Variants in SLIT2 observed in about 807,000 individuals in gnomAD.
The protein encoded by SLIT2 is slit homolog 2 protein.
SLIT2 carries 41 observed loss-of-function variants against 185.7 expected under a neutral mutation model. The ratio of observed to expected loss-of-function variants is 0.22; its 90% CI spans 0.17 to 0.29. SLIT2 has a LOEUF of 0.29. Ranked by LOEUF, SLIT2 falls within the 10% of genes least tolerant of loss-of-function variation. The pLI is 1.00. For synonymous variants in SLIT2, 693 were observed against 680.2 expected (o/e 1.02, Z -0.29); for missense variants, 1,571 against 1,909.0 (o/e 0.82, Z 3.30).
intron 4 of SLIT2, chr4:20,393,509 C>T (rs1258585444): frequency 2.0e-5 from 3 of 152,018 alleles, no homozygotes; most frequent in Admixed American, 6.6e-5. Context: ...TCTTTAATAT[C>T]TTTAAAACCT....
In SLIT2 at chr4:20,254,116, G is replaced by A. The variant is rs1289905365; in HGVS notation, c.179+122G>A. The A allele has an allele frequency of 4.0e-6, 4 of 994,468 alleles. No individual in the cohort carries two copies. Among genetic ancestry groups the A allele is most frequent in the Non-Finnish European group, 4.5e-6 (3 of 671,028 alleles). 61.6% of individuals were successfully genotyped at this position (994,468 alleles called of 1,614,324 possible). A position where few individuals can be genotyped will look rare whatever the true frequency, so the allele number is the denominator to read the frequency against. The stretch of plus-strand genomic sequence containing the variant: ...GCAGCCCTCGCTAGCTCTCCCCCAT[G>A]CACATCCTGGGGTTGAGCTCTCCGG... On this transcript the variant is annotated intron_variant, in intron 1 of 36. Coordinates refer to ENST00000504154, the MANE Select transcript of SLIT2 (RefSeq NM_004787.4). The surrounding 1 kb of genome is among the most constrained non-coding windows in gnomAD (Gnocchi z 5.1).
intron 4 of SLIT2, among the ~76,000 whole-genome samples, chr4:20,321,772 TTC>T (rs1719110754): frequency 6.6e-6 from 1 of 152,194 alleles, no homozygotes. Flanking sequence ...TCATTTTGCA[TTC>T]TCTCTCCCTA....
chr4:20,604,572 T>C (rs1364205618), intron 33 of SLIT2, among the ~76,000 whole-genome samples: 2 of 152,060 alleles, frequency 1.3e-5, no homozygotes. Flanking sequence ...TGGTCTCCAT[T>C]TCCTGACCTT....
At chr4:20,472,564 C>CGATATATCGATATATATCGA (rs60691515) in intron 5 of SLIT2, among the ~76,000 whole-genome samples, 1 of 4,660 alleles carries the variant, frequency 2.1e-4, no homozygotes, top group Non-Finnish European at 3.1e-4. Context: ...AGATATATAT[C>CGATATATCGATATATATCGA]TATATATAGA....
chr4:20,548,674 A>G (rs983459775), intron 23 of SLIT2, 115 bp downstream of exon 23: 13 of 686,992 alleles, frequency 1.9e-5, no homozygotes, highest in African/African-American at 3.6e-5. Flanking sequence ...GAATGTTTCT[A>G]TTGGGAGAAA....
chr4:20,509,652 G>C (rs596267), intron 9 of SLIT2, among the ~76,000 whole-genome samples: 111,600 of 151,492 alleles, frequency 0.74, 41,321 homozygotes, highest in East Asian at 0.95. Context: ...AACGATGTTT[G>C]TTTGGAGTGA....
intron 4 of SLIT2, among the ~76,000 whole-genome samples, chr4:20,322,465 A>G (rs1014124620): frequency 6.6e-6 from 1 of 151,694 alleles, no homozygotes; most frequent in Non-Finnish European, 1.5e-5. Context: ...CCCCAAATTT[A>G]TTTTCCTTTC....
chr4:20,333,762 A>G (rs1720261245), intron 4 of SLIT2, among the ~76,000 whole-genome samples: 2 of 152,180 alleles, frequency 1.3e-5, no homozygotes. Context: ...TTGAAAAATA[A>G]CACAGGTCAA....
chr4:20,582,299 C>G (rs532191702), intron 29 of SLIT2, among the ~76,000 whole-genome samples: 17 of 152,324 alleles, frequency 1.1e-4, no homozygotes, highest in African/African-American at 4.1e-4. Flanking sequence ...AGTCTCACCT[C>G]TTCAGAAGAA....
At chr4:20,529,930 T>TGGG (rs1721635820) in intron 16 of SLIT2, among the ~76,000 whole-genome samples, 2 of 152,170 alleles carry the variant, frequency 1.3e-5, no homozygotes, top group Non-Finnish European at 2.9e-5. Flanking sequence ...CTTCCATCTT[T>TGGG]AACTAGATTA....
At chr4:20,599,741 T>C (rs1455134846) in intron 33 of SLIT2, among the ~76,000 whole-genome samples, 1 of 152,194 alleles carries the variant, frequency 6.6e-6, no homozygotes, top group Non-Finnish European at 1.5e-5. Context: ...TTTTTAATAC[T>C]ATATATAATG....
At chr4:20,513,192 A>T (rs1293251882) in intron 11 of SLIT2, among the ~76,000 whole-genome samples, 2 of 152,202 alleles carry the variant, frequency 1.3e-5, no homozygotes, top group Non-Finnish European at 2.9e-5. Context: ...ACTTGCAGAT[A>T]AAGTAAACTG....
At chr4:20,472,567 T>TATATAG (rs1322481123) in intron 5 of SLIT2, among the ~76,000 whole-genome samples, 1 of 22,726 alleles carries the variant, frequency 4.4e-5, no homozygotes, top group Non-Finnish European at 6.4e-5. Context: ...TATATATCTA[T>TATATAG]ATATAGATAT....
intron 7 of SLIT2, among the ~76,000 whole-genome samples, chr4:20,488,159 G>A (rs1033195171): frequency 2.0e-5 from 3 of 151,782 alleles, no homozygotes; most frequent in South Asian, 2.1e-4. Context: ...AACATAGAGC[G>A]ACTCACTTAA....
At chr4:20,363,695 T>C (rs1053376553) in intron 4 of SLIT2, among the ~76,000 whole-genome samples, 13 of 152,118 alleles carry the variant, frequency 8.5e-5, no homozygotes, top group African/African-American at 3.1e-4. Context: ...CCTATGCAGA[T>C]TTAAAAGCTT....
At chr4:20,543,643 T>C (rs1723007592) in intron 21 of SLIT2, among the ~76,000 whole-genome samples, 1 of 152,106 alleles carries the variant, frequency 6.6e-6, no homozygotes, top group Non-Finnish European at 1.5e-5. Flanking sequence ...GGTAATGAGG[T>C]TCAAGGGCAT....
At chr4:20,452,120 G>A (rs1712538942) in intron 4 of SLIT2, among the ~76,000 whole-genome samples, 1 of 152,164 alleles carries the variant, frequency 6.6e-6, no homozygotes, top group African/African-American at 2.4e-5. Context: ...GGATAAATAG[G>A]GATGGTGTGT....
chr4:20,455,602 C>T (rs942253304), intron 4 of SLIT2, among the ~76,000 whole-genome samples: 17 of 151,528 alleles, frequency 1.1e-4, no homozygotes, highest in African/African-American at 2.9e-4. Flanking sequence ...TATTATTGAG[C>T]GATAAAAATA....
At chr4:20,280,405 G>T (rs544658404) in intron 4 of SLIT2, among the ~76,000 whole-genome samples, 5 of 151,622 alleles carry the variant, frequency 3.3e-5, no homozygotes, top group African/African-American at 1.2e-4. Flanking sequence ...TCCTAGCTCT[G>T]CTGATCACTA....
Sources: gnomAD v4.1 joint callset for allele counts (sites outside exome capture counted in the v4.1 genomes callset) on GRCh38, gnomAD v4.1.1 for gene constraint, Gnocchi (gnomAD v3.1) non-coding constraint, MANE v1.5 for transcripts, NCBI Gene and HGNC (gene_info 2026-07-23, HGNC 2026-07-21) for gene names.